The following IL18R1 variants were observed in gnomAD, a reference collection of about 807,000 sequenced individuals.
IL18R1 encodes interleukin 18 receptor 1.
In IL18R1, 40 loss-of-function variants were observed where a neutral mutation model predicts 48.5. That is an observed-to-expected ratio of 0.82 (90% CI 0.64 to 1.07). IL18R1 has a LOEUF of 1.07. Among genes scored for constraint, IL18R1 ranks in the 50% least tolerant of loss-of-function variants. The pLI is 0.00. For missense variants in IL18R1, 596 were observed against 633.7 expected (o/e 0.94, Z 0.64); for synonymous variants, 232 against 225.9 (o/e 1.03, Z -0.24).
At chr2:102,389,573 T>A (rs1442885442) in intron 8 of IL18R1, among the ~76,000 whole-genome samples, 4 of 152,240 alleles carry the variant, frequency 2.6e-5, no homozygotes, top group Non-Finnish European at 4.4e-5. Flanking sequence ...ATCTTCATTT[T>A]ACAGATGAAG....
At chr2:102,376,130 C>T in intron 5 of IL18R1, 67 bp downstream of exon 5, 1 of 1,340,754 alleles carries the variant, frequency 7.5e-7, no homozygotes, top group Non-Finnish European at 1.0e-6. Context: ...TTTCATTCTT[C>T]AAAACTGTGT....
Position 102,356,207 on chromosome 2 carries a change from CTTT to C in IL18R1, c.-209_-207del, listed in dbSNP as rs397872910. On this transcript the variant is annotated 5_prime_UTR_variant, in exon 1 of 11. Coordinates refer to ENST00000233957, the MANE Select transcript of IL18R1 (RefSeq NM_003855.5). Reference sequence around the variant, plus strand: ...GTTCCTACTTTTTTTCCTTCTTCTTCTTTTTTTTTTTTTTTGTAGCCCTCTCTG... The same window carrying C: ...GTTCCTACTTTTTTTCCTTCTTCTTCTTTTTTTTTTTTGTAGCCCTCTCTG... 5.7e-4 allele frequency: 101 copies of C among 177,800 alleles called. No homozygotes were observed. Among genetic ancestry groups the C allele is most frequent in the Middle Eastern group, 2.8e-3 (1 of 362 alleles). 11.0% of individuals were successfully genotyped at this position (177,800 alleles called of 1,614,324 possible).
chr2:102,361,270 C>A (rs10204837), intron 1 of IL18R1, among the ~76,000 whole-genome samples: 66,754 of 151,994 alleles, frequency 0.44, 16,440 homozygotes, highest in African/African-American at 0.66. Flanking sequence ...AAACCATAGA[C>A]CCAGTCTAAT....
chr2:102,395,969 T>C (rs1477264152), intron 10 of IL18R1, among the ~76,000 whole-genome samples: 1 of 152,204 alleles, frequency 6.6e-6, no homozygotes, highest in African/African-American at 2.4e-5. Flanking sequence ...GCCTAACATA[T>C]TTACTATCTG....
At chr2:102,389,890 C>A (rs1371295161) in intron 8 of IL18R1, among the ~76,000 whole-genome samples, 166 bp from the exon 9 acceptor site, 1 of 152,178 alleles carries the variant, frequency 6.6e-6, no homozygotes, top group East Asian at 1.9e-4. Flanking sequence ...TATCACTACT[C>A]CAGACTAAAG....
intron 3 of IL18R1, among the ~76,000 whole-genome samples, chr2:102,369,917 T>G (rs1287652809): frequency 6.6e-6 from 1 of 152,192 alleles, no homozygotes; most frequent in Admixed American, 6.5e-5. Context: ...AAGGGATAGT[T>G]TTCAATGATA....
chr2:102,361,214 G>A (rs1306307503), intron 1 of IL18R1, among the ~76,000 whole-genome samples: 2 of 152,122 alleles, frequency 1.3e-5, no homozygotes, highest in Admixed American at 1.3e-4. Flanking sequence ...AAAAGAATAG[G>A]CAGAGTTAAT....
chr2:102,394,551 G>A lies in IL18R1; in HGVS notation c.1194G>A (p.Glu398=), dbSNP rs769938973. The change falls in exon 10 of 11, where the codon GAG becomes GAA. Residue 398 remains glutamate (E), a synonymous_variant. Transcript: ENST00000233957. ...GAGAGGAGCACACCTTTGCTGTGGA[G>A]ATTTTGCCCAGGGTGTTGGAGAAAC... ...ENGEEHTFAV[E]ILPRVLEKHF... The A allele has an allele frequency of 6.2e-7, 1 of 1,613,430 alleles. No individual in the cohort carries two copies. The highest frequency in any genetic ancestry group is 1.3e-5 in the African/African-American group (1 of 74,900).
At chr2:102,385,574 T>A (rs745646384) in intron 7 of IL18R1, among the ~76,000 whole-genome samples, 1 of 152,240 alleles carries the variant, frequency 6.6e-6, no homozygotes, top group Non-Finnish European at 1.5e-5. Flanking sequence ...TAGTGAGTGC[T>A]GAGCCTAAGT....
At chr2:102,393,132 A>C (rs1162076644) in intron 9 of IL18R1, among the ~76,000 whole-genome samples, 1 of 152,166 alleles carries the variant, frequency 6.6e-6, no homozygotes, top group Admixed American at 6.5e-5. Context: ...GCCCTTTAAA[A>C]AAGTGTGCTC....
At chr2:102,367,739 C>T in intron 2 of IL18R1, 86 bp from the exon 3 acceptor site, 2 of 1,136,040 alleles carry the variant, frequency 1.8e-6, no homozygotes, top group Non-Finnish European at 2.5e-6. Flanking sequence ...CTTGCTTCTT[C>T]ACCTAATGCA....
chr2:102,384,891 G>C lies in IL18R1; in HGVS notation c.702G>C (p.Arg234Ser), dbSNP rs771995155. The change falls in exon 7 of 11, where the codon AGG becomes AGC. Residue 234 changes from arginine to serine, a missense_variant. Transcript: ENST00000233957. ...HVAVELGKNV[R>S]LNCSALLNEE... ...AACTTTTACCAGGAAAAAACGTAAG[G>C]CTCAACTGCTCTGCTTTGCTGAATG... 50 of 1,608,696 alleles carry C rather than the reference G, an allele frequency of 3.1e-5. No homozygotes were observed. Among genetic ancestry groups the C allele is most frequent in the Non-Finnish European group, 4.1e-5 (48 of 1,177,418 alleles).
At chr2:102,360,680 G>A (rs1233015722) in intron 1 of IL18R1, among the ~76,000 whole-genome samples, 2 of 152,112 alleles carry the variant, frequency 1.3e-5, no homozygotes, top group African/African-American at 4.8e-5. Flanking sequence ...CCTACATTGA[G>A]TGTAAATTGC....
intron 5 of IL18R1, among the ~76,000 whole-genome samples, chr2:102,377,603 A>C (rs1344830438): frequency 6.6e-6 from 1 of 152,264 alleles, no homozygotes; most frequent in Non-Finnish European, 1.5e-5. Context: ...GGCATAAGCC[A>C]CTGCACCAGG....
chr2:102,388,616 C>T (rs1680382337), intron 8 of IL18R1, among the ~76,000 whole-genome samples: 1 of 152,168 alleles, frequency 6.6e-6, no homozygotes, highest in Non-Finnish European at 1.5e-5. Flanking sequence ...GCCCTAGACG[C>T]TTCTGGCCAG....
At chr2:102,372,255 G>A (rs1679309740) in intron 4 of IL18R1, 137 bp downstream of exon 4, 1 of 620,170 alleles carries the variant, frequency 1.6e-6, no homozygotes, top group Non-Finnish European at 2.7e-6. Flanking sequence ...CCCTGTTTGA[G>A]CCAAGTATCC....
rs1680259550 is a variant in IL18R1 at position 102,386,860 on chromosome 2, G to A, written c.810-1G>A. The A allele has an allele frequency of 6.2e-7, 1 of 1,613,980 alleles. No individual in the cohort carries two copies. Among genetic ancestry groups the A allele is most frequent in the East Asian group, 2.2e-5 (1 of 44,890 alleles). ...TGCTAAATTATTTTGCCCTCTTACAGGACTCCAGAAGGCAAATGGCATGCT... is the reference window on the plus strand; with the variant it reads ...TGCTAAATTATTTTGCCCTCTTACAAGACTCCAGAAGGCAAATGGCATGCT... On this transcript the variant is annotated splice_acceptor_variant, in intron 7 of 10. Coordinates refer to ENST00000233957, the MANE Select transcript of IL18R1 (RefSeq NM_003855.5). LOFTEE classifies it high-confidence loss of function.
chr2:102,367,755 A>G, intron 2 of IL18R1, 70 bp from the exon 3 acceptor site: 1 of 1,412,246 alleles, frequency 7.1e-7, no homozygotes, highest in Non-Finnish European at 9.7e-7. Flanking sequence ...ATGCATTAGG[A>G]GACCAAAAAA....
intron 4 of IL18R1, among the ~76,000 whole-genome samples, chr2:102,375,329 G>C (rs1008444252): frequency 6.6e-6 from 1 of 152,212 alleles, no homozygotes; most frequent in Non-Finnish European, 1.5e-5. Context: ...GTGTGTGAGA[G>C]AGAGAGAGAT....
Sources: allele counts gnomAD v4.1 joint callset (sites outside exome capture counted in the v4.1 genomes callset), GRCh38; gene constraint gnomAD v4.1.1; transcripts MANE v1.5; gene names NCBI Gene and HGNC (gene_info 2026-07-23, HGNC 2026-07-21).